The following GBE1 variants were observed in gnomAD, a reference collection of about 807,000 sequenced individuals.
GBE1 encodes the protein 1,4-alpha-glucan-branching enzyme.
Under a neutral mutation model 88.8 loss-of-function variants are expected in GBE1, and 70 were observed. The ratio of observed to expected loss-of-function variants is 0.79; its 90% confidence interval spans 0.65 to 0.96. The LOEUF (loss-of-function observed/expected upper bound fraction) is 0.96. GBE1 is among the 40% of genes least tolerant of loss of function. The pLI, the probability that GBE1 is intolerant of heterozygous loss-of-function variation, is 0.00. For missense variants in GBE1, 872 were observed against 871.0 expected, an observed-to-expected ratio of 1.00 and a Z score of -0.01; for synonymous variants, 284 against 300.1, an observed-to-expected ratio of 0.95 and a Z score of 0.56.
At chr3:81,640,305 C>T (rs1222115704) in intron 7 of GBE1, among the ~76,000 whole-genome samples, 2 of 151,854 alleles carry the variant, frequency 1.3e-5, no homozygotes, top group East Asian at 3.9e-4. Context: ...CAGCTGCCAG[C>T]ACAGCCAGAA....
chr3:81,559,951 C>A (rs1400172039), intron 12 of GBE1, among the ~76,000 whole-genome samples: 2 of 151,822 alleles, frequency 1.3e-5, no homozygotes. Context: ...ATAGTACAGT[C>A]CATACACAAA....
chr3:81,598,752 T>C (rs1398761145), intron 7 of GBE1, among the ~76,000 whole-genome samples: 4 of 151,732 alleles, frequency 2.6e-5, no homozygotes, highest in Non-Finnish European at 5.9e-5. Context: ...TAATTTCAAA[T>C]ACTGTTAAAT....
Position 81,586,185 on chromosome 3 carries a change from T to A in GBE1, c.1242A>T (p.Val414=), listed in dbSNP as rs543823734. Residue 414 remains valine, a synonymous_variant, in exon 10 of 16, where the codon GTA becomes GTT. Transcript: ENST00000429644. ...GAGAGCACAGAGCTGGCATTCCTGA[T>A]ACATCCTACAACAAAGAACGTCGGT... The part of the protein sequence containing the change: ...CPDSITIAED[V]SGMPALCSPI... The A allele has an allele frequency of 1.9e-6, 3 of 1,599,928 alleles. No individual in the cohort carries two copies. In the South Asian group the frequency reaches 3.4e-5, roughly 18 times the overall value.
chr3:81,700,634 G>C (rs1010365095), intron 2 of GBE1, among the ~76,000 whole-genome samples: 1 of 151,972 alleles, frequency 6.6e-6, no homozygotes, highest in African/African-American at 2.4e-5. Flanking sequence ...CACGGTTTCA[G>C]AGCACGTGGG....
At chr3:81,649,365 T>A (rs1704812754) in intron 4 of GBE1, among the ~76,000 whole-genome samples, 1 of 152,076 alleles carries the variant, frequency 6.6e-6, no homozygotes, top group African/African-American at 2.4e-5. Flanking sequence ...ACAGAACACT[T>A]GTCACTAATA....
intron 12 of GBE1, among the ~76,000 whole-genome samples, chr3:81,550,195 C>G (rs1329340209): frequency 6.6e-6 from 1 of 151,532 alleles, no homozygotes; most frequent in African/African-American, 2.4e-5. Context: ...CGCTGTTTTA[C>G]TCCACATGTA....
chr3:81,553,298 G>C (rs553808827), intron 12 of GBE1, among the ~76,000 whole-genome samples: 2 of 150,978 alleles, frequency 1.3e-5, no homozygotes, highest in East Asian at 2.0e-4. Flanking sequence ...AAAAAGGCTT[G>C]AGTGTTCTCC....
intron 1 of GBE1, among the ~76,000 whole-genome samples, chr3:81,759,047 A>C (rs1213384424): frequency 1.3e-5 from 2 of 152,320 alleles, no homozygotes; most frequent in East Asian, 3.9e-4. Flanking sequence ...CCACCATGTG[A>C]GACATGACTT....
intron 14 of GBE1, among the ~76,000 whole-genome samples, chr3:81,528,978 T>C (rs981169596): frequency 6.6e-6 from 1 of 152,074 alleles, no homozygotes; most frequent in African/African-American, 2.4e-5. Flanking sequence ...TTTAATGTTA[T>C]TTCTGATAAG....
chr3:81,705,917 T>A (rs944515187), intron 1 of GBE1, among the ~76,000 whole-genome samples: 3 of 152,118 alleles, frequency 2.0e-5, no homozygotes, highest in African/African-American at 7.2e-5. Flanking sequence ...GCAACTTCCA[T>A]GTCAAGACAG....
intron 7 of GBE1, among the ~76,000 whole-genome samples, chr3:81,635,338 G>A (rs1704577132): frequency 1.3e-5 from 2 of 152,134 alleles, no homozygotes; most frequent in South Asian, 4.1e-4. Flanking sequence ...AAATGCAGAA[G>A]TTAGATAAAA....
rs999630835 is a variant in GBE1, at chr3:81,661,542, A to G, written c.429+9296T>C. Among the ~76,000 whole-genome samples, 5 of 152,214 alleles carry G rather than the reference A, an allele frequency of 3.3e-5. No individual in the cohort carries two copies. The South Asian group carries it at 1.0e-3, about 31-fold the overall frequency. The stretch of plus-strand genomic sequence containing the variant: ...ATACAAACATTTTCCCCTTTAATTC[A>G]GTAAGAAAATATTAGGCTTTTATAT... On this transcript the variant is annotated intron_variant, in intron 3 of 15. Coordinates refer to ENST00000429644, the MANE Select transcript of GBE1 (RefSeq NM_000158.4).
At chr3:81,683,422 A>AT (rs1705387478) in intron 2 of GBE1, among the ~76,000 whole-genome samples, 1 of 152,194 alleles carries the variant, frequency 6.6e-6, no homozygotes. Flanking sequence ...AGCTTGCTCA[A>AT]TAAGTAGAAT....
At chr3:81,757,549 C>A (rs909772691) in intron 1 of GBE1, among the ~76,000 whole-genome samples, 1 of 152,104 alleles carries the variant, frequency 6.6e-6, no homozygotes, top group Admixed American at 6.6e-5. Flanking sequence ...AGTAGGAAGG[C>A]AGCATGCTAC....
intron 12 of GBE1, among the ~76,000 whole-genome samples, chr3:81,544,856 C>T (rs1298277572): frequency 6.6e-6 from 1 of 152,080 alleles, no homozygotes; most frequent in African/African-American, 2.4e-5. Context: ...AATAAAAAAG[C>T]CCCAGCTCTG....
At chr3:81,743,035 C>T (rs760374613) in intron 1 of GBE1, among the ~76,000 whole-genome samples, 3 of 152,122 alleles carry the variant, frequency 2.0e-5, no homozygotes, top group Non-Finnish European at 4.4e-5. Context: ...CCCCTGAGTA[C>T]AAATCTCTAT....
intron 7 of GBE1, among the ~76,000 whole-genome samples, chr3:81,617,297 CTTT>C (rs1704261530): frequency 6.6e-6 from 1 of 151,914 alleles, no homozygotes; most frequent in Non-Finnish European, 1.5e-5. Flanking sequence ...TAGTGGACTT[CTTT>C]GTCTTGTTCC....
chr3:81,757,463 A>C (rs1365001047), intron 1 of GBE1, among the ~76,000 whole-genome samples: 1 of 152,208 alleles, frequency 6.6e-6, no homozygotes, highest in Non-Finnish European at 1.5e-5. Context: ...TGAAGATTTG[A>C]AAAAAGAACA....
At chr3:81,506,594 G>C (rs1403262644) in intron 14 of GBE1, among the ~76,000 whole-genome samples, 4 of 152,082 alleles carry the variant, frequency 2.6e-5, no homozygotes, top group African/African-American at 4.8e-5. Flanking sequence ...AAATAATTCA[G>C]TCTATTATAA....
Sources: allele counts gnomAD v4.1 joint callset (sites outside exome capture counted in the v4.1 genomes callset), GRCh38; gene constraint gnomAD v4.1.1; transcripts MANE v1.5; gene names NCBI Gene and HGNC (gene_info 2026-07-23, HGNC 2026-07-21).